Variants in PTPRD observed in about 807,000 individuals in gnomAD.
PTPRD encodes receptor-type tyrosine-protein phosphatase delta.
A neutral mutation model predicts 214.5 loss-of-function variants in PTPRD; 34 were observed. That is an observed-to-expected ratio of 0.16 (90% CI 0.12 to 0.21). The LOEUF is 0.21. PTPRD is among the 10% of genes least tolerant of loss of function. PTPRD has a pLI of 1.00. For missense variants in PTPRD, 2,545 were observed against 2,398.7 expected (o/e 1.06, Z -1.27); for synonymous variants, 1,128 against 845.7 (o/e 1.33, Z -5.79).
chr9:8,668,255 A>G (rs2097208222), intron 12 of PTPRD, among the ~76,000 whole-genome samples: 1 of 152,230 alleles, frequency 6.6e-6, no homozygotes, highest in Non-Finnish European at 1.5e-5. Flanking sequence ...TCTTTGTAGT[A>G]AAATCTATTC....
chr9:9,798,373 G>T (rs969578014), intron 5 of PTPRD, among the ~76,000 whole-genome samples: 1 of 152,148 alleles, frequency 6.6e-6, no homozygotes. Context: ...ATTTGATGAA[G>T]TAAATAGTTG....
At chr9:10,102,297 C>G (rs1423795234) in intron 3 of PTPRD, among the ~76,000 whole-genome samples, 1 of 151,354 alleles carries the variant, frequency 6.6e-6, no homozygotes, top group Non-Finnish European at 1.5e-5. Flanking sequence ...CATTCTGTTG[C>G]CTGGGGTATT....
chr9:10,168,605 T>C (rs753968367), intron 3 of PTPRD, among the ~76,000 whole-genome samples: 5 of 152,228 alleles, frequency 3.3e-5, no homozygotes, highest in Non-Finnish European at 5.9e-5. Flanking sequence ...TATCTTCCCA[T>C]ATTTAAAAAA....
intron 3 of PTPRD, among the ~76,000 whole-genome samples, chr9:10,156,699 T>G (rs1002083429): frequency 7.2e-5 from 11 of 152,322 alleles, no homozygotes; most frequent in South Asian, 2.1e-4. Context: ...GTTAATTTTC[T>G]GCCTCAGTGT....
At chr9:8,999,406 C>T (rs1646755100) in intron 11 of PTPRD, among the ~76,000 whole-genome samples, 1 of 152,026 alleles carries the variant, frequency 6.6e-6, no homozygotes, top group African/African-American at 2.4e-5. Flanking sequence ...TTATGACTTG[C>T]TGAAGGCTCA....
chr9:8,403,510 C>T (rs1267518326), intron 36 of PTPRD, among the ~76,000 whole-genome samples: 1 of 152,146 alleles, frequency 6.6e-6, no homozygotes, highest in Non-Finnish European at 1.5e-5. Context: ...CCAATGTGCT[C>T]CTGTAGCCAG....
At position 9,582,173 on chromosome 9, in the gene PTPRD, G is replaced by C. The variant is rs188766046; in HGVS notation, c.-286-7392C>G. The stretch of plus-strand genomic sequence containing the variant: ...ATCTTACTTTACTTATTTTTTGCTA[G>C]GTTCATGACCACTTGGAATAAGACA... On this transcript the variant is annotated intron_variant, in intron 7 of 45. Coordinates refer to ENST00000381196, the MANE Select transcript of PTPRD (RefSeq NM_002839.4). Among the ~76,000 whole-genome samples the C allele has an allele frequency of 1.2e-4, 18 of 152,140 alleles. No homozygotes were observed. In the East Asian group the frequency reaches 2.7e-3, roughly 23 times the overall value.
At chr9:9,404,600 C>T (rs955306208) in intron 8 of PTPRD, among the ~76,000 whole-genome samples, 1 of 152,076 alleles carries the variant, frequency 6.6e-6, no homozygotes, top group Non-Finnish European at 1.5e-5. Flanking sequence ...TTAGCGTCAA[C>T]ACACATTTTA....
chr9:10,362,751 G>A (rs1382453730), intron 2 of PTPRD, among the ~76,000 whole-genome samples: 2 of 152,036 alleles, frequency 1.3e-5, no homozygotes, highest in Non-Finnish European at 2.9e-5. Flanking sequence ...ATGGTGTCAC[G>A]TGCCTGTAAT....
At chr9:10,487,390 T>C (rs2099139603) in intron 2 of PTPRD, among the ~76,000 whole-genome samples, 3 of 152,212 alleles carry the variant, frequency 2.0e-5, no homozygotes, top group South Asian at 2.1e-4. Context: ...TCCCTTCCTG[T>C]CTTCTCTTTA....
At chr9:8,325,798 T>C (rs200188208) in intron 44 of PTPRD, among the ~76,000 whole-genome samples, 9 of 110,860 alleles carry the variant, frequency 8.1e-5, no homozygotes, top group African/African-American at 6.7e-4. Flanking sequence ...TCCTTCACAT[T>C]CCTTGTTAAG....
chr9:9,176,883 G>A (rs934767078), intron 10 of PTPRD, among the ~76,000 whole-genome samples: 1 of 152,080 alleles, frequency 6.6e-6, no homozygotes, highest in Admixed American at 6.6e-5. Flanking sequence ...TTGTGTTATA[G>A]CAGCACAAAA....
At chr9:10,229,241 T>C (rs183099090) in intron 3 of PTPRD, among the ~76,000 whole-genome samples, 93 of 152,146 alleles carry the variant, frequency 6.1e-4, no homozygotes, top group Non-Finnish European at 1.2e-3. Flanking sequence ...GGAACACTTT[T>C]ACACTGTTGG....
chr9:9,170,444 T>C (rs1346658805), intron 10 of PTPRD, among the ~76,000 whole-genome samples: 1 of 152,240 alleles, frequency 6.6e-6, no homozygotes, highest in Non-Finnish European at 1.5e-5. Flanking sequence ...GTTTTCCTGC[T>C]TTTGCTACCT....
At chr9:9,719,884 C>T (rs1447384477) in intron 7 of PTPRD, among the ~76,000 whole-genome samples, 1 of 152,198 alleles carries the variant, frequency 6.6e-6, no homozygotes, top group Non-Finnish European at 1.5e-5. Context: ...TCTCATGGTG[C>T]TGCCACCTGT....
chr9:9,048,041 A>G (rs555843469), intron 10 of PTPRD, among the ~76,000 whole-genome samples: 1 of 152,322 alleles, frequency 6.6e-6, no homozygotes, highest in Admixed American at 6.5e-5. Flanking sequence ...AAACAGGCAT[A>G]AGAAAAGGTG....
intron 8 of PTPRD, among the ~76,000 whole-genome samples, chr9:9,451,533 C>G (rs1249749597): frequency 2.0e-5 from 3 of 151,490 alleles, no homozygotes; most frequent in Non-Finnish European, 4.4e-5. Context: ...ATGGTTTACC[C>G]AGTAAAATGT....
intron 7 of PTPRD, among the ~76,000 whole-genome samples, chr9:9,715,916 G>A (rs566384265): frequency 2.1e-4 from 32 of 151,954 alleles, no homozygotes; most frequent in East Asian, 1.9e-3. Flanking sequence ...GGTTAGTTAC[G>A]TATGTATACA....
At chr9:10,041,392 C>G (rs1364473966) in intron 3 of PTPRD, among the ~76,000 whole-genome samples, 1 of 151,858 alleles carries the variant, frequency 6.6e-6, no homozygotes, top group Admixed American at 6.6e-5. Flanking sequence ...AAGAAACAGA[C>G]TTTTAGATCT....
Sources: gnomAD v4.1 joint callset for allele counts (sites outside exome capture counted in the v4.1 genomes callset) on GRCh38, gnomAD v4.1.1 for gene constraint, MANE v1.5 for transcripts, NCBI Gene and HGNC (gene_info 2026-07-23, HGNC 2026-07-21) for gene names.